CACNA1A: variants seen among roughly 807,000 people sequenced by gnomAD.
CACNA1A encodes the protein calcium voltage-gated channel subunit alpha1 A.
In CACNA1A, 57 loss-of-function variants were observed where a neutral mutation model predicts 262.4. That is an observed-to-expected ratio of 0.22 (90% CI 0.18 to 0.27). The LOEUF (loss-of-function observed/expected upper bound fraction) is 0.27. Among genes scored for constraint, CACNA1A ranks in the 10% least tolerant of loss-of-function variants. CACNA1A has a pLI of 1.00. For synonymous variants in CACNA1A, 1,431 were observed against 1,419.3 expected (o/e 1.01, Z -0.18); for missense variants, 2,526 against 3,562.8 (o/e 0.71, Z 7.41).
chr19:13,391,139 C>T (rs886858726), intron 3 of CACNA1A, among the ~76,000 whole-genome samples: 4 of 152,194 alleles, frequency 2.6e-5, no homozygotes, highest in African/African-American at 9.6e-5. Flanking sequence ...CCTGCCTCGG[C>T]CTCCCAAAGT....
intron 1 of CACNA1A, among the ~76,000 whole-genome samples, chr19:13,483,568 A>C (rs780930755): frequency 6.6e-6 from 1 of 152,210 alleles, no homozygotes; most frequent in Non-Finnish European, 1.5e-5. Context: ...ATTTGCTGAA[A>C]ATTCCGGGAA....
chr19:13,374,240 A>G (rs973143211), intron 3 of CACNA1A, among the ~76,000 whole-genome samples: 3 of 152,078 alleles, frequency 2.0e-5, no homozygotes, highest in Admixed American at 2.0e-4. Context: ...CTTTACAAAA[A>G]ATGAATTTAT....
At chr19:13,295,056 T>G (rs937826237) in intron 19 of CACNA1A, among the ~76,000 whole-genome samples, 9 of 152,242 alleles carry the variant, frequency 5.9e-5, no homozygotes, top group African/African-American at 2.2e-4. Flanking sequence ...TCTGGAAACC[T>G]GCCCTGAGAC....
intron 1 of CACNA1A, among the ~76,000 whole-genome samples, chr19:13,469,949 C>T (rs2061321578): frequency 2.0e-5 from 3 of 152,122 alleles, no homozygotes; most frequent in African/African-American, 4.8e-5. Flanking sequence ...AAAATCCATC[C>T]CTGCATGAAC....
chr19:13,215,794 T>G (rs1276488219), intron 38 of CACNA1A, among the ~76,000 whole-genome samples: 1 of 152,068 alleles, frequency 6.6e-6, no homozygotes, highest in African/African-American at 2.4e-5. Context: ...CACCTGGTTG[T>G]TTGATGATCA....
At position 13,231,850 on chromosome 19, in the gene CACNA1A, C is replaced by T. The variant is rs1555737113; in HGVS notation, c.5260G>A (p.Gly1754Arg). The T allele has an allele frequency of 6.2e-7, 1 of 1,613,382 alleles. No individual in the cohort carries two copies. The highest frequency in any genetic ancestry group is 8.5e-7 in the Non-Finnish European group (1 of 1,179,420). The change falls in exon 35 of 47, where the codon GGG (glycine) becomes AGG (arginine). Residue 1754 changes from glycine to arginine, a missense_variant. By Grantham distance (125) the Gly-to-Arg change is moderately radical. This residue lies in a region of CACNA1A where 39 missense variants were observed against 124.9 expected (regional missense o/e 0.31). Transcript: ENST00000360228. The part of the protein sequence containing the change: ...ALMLLFRSAT[G>R]EAWHNIMLSC... ...AGCATGATGTTGTGCCAAGCTTCCC[C>T]GGTGGCACTCCTGAGGACAGGGAGA... is the stretch of plus-strand genomic sequence containing the variant.
intron 4 of CACNA1A, 57 bp from the exon 5 acceptor site, chr19:13,365,526 G>A (rs540664455): frequency 1.3e-4 from 195 of 1,512,412 alleles, no homozygotes; most frequent in Middle Eastern, 3.6e-4. Context: ...CCCAAACCCC[G>A]CCACCAAGAC....
At chr19:13,251,471 A>G (rs2056397153) in intron 30 of CACNA1A, among the ~76,000 whole-genome samples, 1 of 152,308 alleles carries the variant, frequency 6.6e-6, no homozygotes, top group South Asian at 2.1e-4. Context: ...CAACAGCGAG[A>G]CTGTCTCAAA....
At position 13,236,311 on chromosome 19, in the gene CACNA1A, C is replaced by T. The variant is rs1447502681; in HGVS notation, c.4951-581G>A. 4 of 154,758 alleles carry T rather than the reference C, an allele frequency of 2.6e-5. No individual in the cohort carries two copies. Among genetic ancestry groups the T allele is most frequent in the East Asian group, 1.9e-4 (1 of 5,214 alleles). 9.6% of individuals were successfully genotyped at this position (154,758 alleles called of 1,614,324 possible). A position where few individuals can be genotyped will look rare whatever the true frequency, so the allele number is the denominator to read the frequency against. On this transcript the variant is annotated intron_variant, in intron 31 of 46. Coordinates refer to ENST00000360228, the MANE Select transcript of CACNA1A (RefSeq NM_001127222.2). This position sits in a 1 kb window ranked among gnomAD's most constrained non-coding sequence, Gnocchi z 4.6. ...CTCCGGGCCAGAAATGCATCTGTCACGGGACTCACCGGGCACCCTGCCCTG... is the reference window on the plus strand; with the variant it reads ...CTCCGGGCCAGAAATGCATCTGTCATGGGACTCACCGGGCACCCTGCCCTG...
intron 3 of CACNA1A, among the ~76,000 whole-genome samples, chr19:13,376,037 G>C (rs573008315): frequency 1.3e-5 from 2 of 152,190 alleles, no homozygotes; most frequent in Non-Finnish European, 2.9e-5. Flanking sequence ...ACTGAGAGAG[G>C]TGGGGAAGTG....
Position 13,317,356 on chromosome 19 carries a change from G to C in CACNA1A, c.1346-35C>G, listed in dbSNP as rs753127660. ...AAAAGATGGAGAATGTCAGGCTCAG[G>C]CTGTTCCTTCAGAAGAAATTAACCA... On this transcript the variant is annotated intron_variant, in intron 10 of 46. Transcript: ENST00000360228. The C allele has an allele frequency of 5.2e-6, 8 of 1,545,090 alleles. No individual in the cohort carries two copies. The Admixed American group carries it at 1.2e-4, about 23-fold the overall frequency.
At chr19:13,429,676 T>A (rs1287858673) in intron 3 of CACNA1A, among the ~76,000 whole-genome samples, 1 of 151,422 alleles carries the variant, frequency 6.6e-6, no homozygotes, top group Non-Finnish European at 1.5e-5. Flanking sequence ...TACACACAGG[T>A]TTACAGCAGC....
intron 34 of CACNA1A, among the ~76,000 whole-genome samples, chr19:13,232,742 C>CA (rs780750755): frequency 0.018 from 1,606 of 91,566 alleles, 30 homozygotes; most frequent in African/African-American, 0.054. Context: ...CAAAAAAAAG[C>CA]AAAAAAAAAA....
chr19:13,261,422 G>A (rs1475302235), intron 26 of CACNA1A, 28 bp downstream of exon 26: 2 of 1,544,476 alleles, frequency 1.3e-6, no homozygotes, highest in African/African-American at 1.4e-5. Context: ...TGGTTCCAAT[G>A]GGAATGTGCT....
intron 1 of CACNA1A, among the ~76,000 whole-genome samples, chr19:13,486,465 A>G (rs1027686178): frequency 5.3e-5 from 8 of 152,148 alleles, no homozygotes; most frequent in Admixed American, 2.0e-4. Flanking sequence ...GAAGACACAT[A>G]CACCAACCAA....
intron 1 of CACNA1A, among the ~76,000 whole-genome samples, chr19:13,463,923 A>C (rs2061172417): frequency 6.6e-6 from 1 of 152,134 alleles, no homozygotes; most frequent in Non-Finnish European, 1.5e-5. Context: ...TCCTTCTCTG[A>C]GCCTCAGTTT....
chr19:13,439,230 T>C (rs1331628861), intron 3 of CACNA1A, among the ~76,000 whole-genome samples: 1 of 150,326 alleles, frequency 6.7e-6, no homozygotes, highest in African/African-American at 2.5e-5. Flanking sequence ...TTCCTCAGCC[T>C]CCCGAGTAGC....
At chr19:13,334,887 A>G (rs1263707410) in intron 7 of CACNA1A, among the ~76,000 whole-genome samples, 2 of 152,026 alleles carry the variant, frequency 1.3e-5, no homozygotes, top group East Asian at 3.9e-4. Flanking sequence ...TAAAAAATGT[A>G]GCTGGGCATG....
intron 17 of CACNA1A, among the ~76,000 whole-genome samples, chr19:13,300,959 G>C (rs192960365): frequency 3.3e-5 from 5 of 150,832 alleles, no homozygotes; most frequent in Admixed American, 6.6e-5. Context: ...TCTTTTGTTT[G>C]TTTTCAGAGA....
Sources: allele counts gnomAD v4.1 joint callset (sites outside exome capture counted in the v4.1 genomes callset), GRCh38; gene constraint gnomAD v4.1.1; regional missense constraint gnomAD v4.1.1; non-coding constraint Gnocchi (gnomAD v3.1); transcripts MANE v1.5; gene names NCBI Gene and HGNC (gene_info 2026-07-23, HGNC 2026-07-21).